Variants in AKR1C8 observed in about 807,000 individuals in gnomAD.
AKR1C8 encodes aldo-keto reductase family 1 member C-like protein 1.
At chr10:5,152,994 G>A in the AKR1C8 span, among the ~76,000 whole-genome samples, 2 of 151,916 alleles carry the variant, frequency 1.3e-5, no homozygotes, top group Non-Finnish European at 2.9e-5. Flanking sequence ...TGGAATGGAG[G>A]GCAATCAGTG....
the AKR1C8 span, among the ~76,000 whole-genome samples, chr10:5,149,039 G>A: frequency 6.6e-6 from 1 of 152,038 alleles, no homozygotes; most frequent in East Asian, 1.9e-4. Flanking sequence ...AAACTCTACA[G>A]TCAGTAAGCA....
the AKR1C8 span, among the ~76,000 whole-genome samples, chr10:5,167,090 T>C: frequency 6.6e-6 from 1 of 152,100 alleles, no homozygotes; most frequent in African/African-American, 2.4e-5. Context: ...TGAGATACCA[T>C]CTCACACCAG....
At chr10:5,159,493 C>T in the AKR1C8 span, among the ~76,000 whole-genome samples, 3 of 152,104 alleles carry the variant, frequency 2.0e-5, no homozygotes, top group Non-Finnish European at 4.4e-5. Flanking sequence ...TCTGCCTCAC[C>T]CTCTCCTGTG....
the AKR1C8 span, among the ~76,000 whole-genome samples, chr10:5,184,323 C>T: frequency 3.9e-5 from 6 of 152,196 alleles, no homozygotes; most frequent in South Asian, 2.1e-4. Context: ...CCCTTTGTGT[C>T]CACAGTCCTT....
chr10:5,160,124 A>AC, the AKR1C8 span: 1 of 268,528 alleles, frequency 3.7e-6, no homozygotes, highest in Non-Finnish European at 8.1e-6. Flanking sequence ...ACTGAATTAA[A>AC]CAGTTTTATC....
At chr10:5,118,861 AC>A in the AKR1C8 span, among the ~76,000 whole-genome samples, 1 of 152,084 alleles carries the variant, frequency 6.6e-6, no homozygotes, top group Non-Finnish European at 1.5e-5. Flanking sequence ...CTATTACTGG[AC>A]AGTAAACATG....
At chr10:5,168,764 A>G in the AKR1C8 span, among the ~76,000 whole-genome samples, 3 of 152,138 alleles carry the variant, frequency 2.0e-5, no homozygotes, top group Non-Finnish European at 4.4e-5. Flanking sequence ...TAAGATCCCC[A>G]TTCCCAATAA....
At chr10:5,140,001 C>T in the AKR1C8 span, among the ~76,000 whole-genome samples, 3 of 152,144 alleles carry the variant, frequency 2.0e-5, no homozygotes, top group Admixed American at 6.5e-5. Flanking sequence ...TGAATAGACA[C>T]TTCTCAAAAG....
chr10:5,141,521 T>C, the AKR1C8 span, among the ~76,000 whole-genome samples: 7 of 152,300 alleles, frequency 4.6e-5, no homozygotes, highest in African/African-American at 1.4e-4. Context: ...GAAGAATCAT[T>C]ATCTACAGCA....
the AKR1C8 span, among the ~76,000 whole-genome samples, chr10:5,176,095 G>A: frequency 6.6e-5 from 10 of 151,882 alleles, no homozygotes; most frequent in East Asian, 1.5e-3. Flanking sequence ...TTCTTCTAGG[G>A]TTTTTATGGT....
At chr10:5,168,992 C>A in the AKR1C8 span, among the ~76,000 whole-genome samples, 1 of 152,078 alleles carries the variant, frequency 6.6e-6, no homozygotes, top group Non-Finnish European at 1.5e-5. Flanking sequence ...TGAAACCCAC[C>A]TCCCTATCTC....
the AKR1C8 span, among the ~76,000 whole-genome samples, chr10:5,169,794 T>TTTTTAC: frequency 5.3e-5 from 8 of 152,002 alleles, no homozygotes; most frequent in Admixed American, 3.9e-4. Flanking sequence ...TTGTAATATT[T>TTTTTAC]AGCTTAAAAG....
At chr10:5,172,375 A>G in the AKR1C8 span, among the ~76,000 whole-genome samples, 4 of 152,176 alleles carry the variant, frequency 2.6e-5, no homozygotes, top group South Asian at 6.2e-4. Flanking sequence ...AATATAAGTT[A>G]TCTTTTTTAA....
At chr10:5,132,819 T>C in the AKR1C8 span, 5 of 798,626 alleles carry the variant, frequency 6.3e-6, no homozygotes, top group Non-Finnish European at 9.7e-6. Context: ...GCTCAACAGG[T>C]AGTTCAGGCA....
the AKR1C8 span, among the ~76,000 whole-genome samples, chr10:5,134,953 T>C: frequency 0.013 from 1,965 of 152,304 alleles, 26 homozygotes; most frequent in Non-Finnish European, 0.02. Context: ...CACGACCATA[T>C]GACCAGACCC....
the AKR1C8 span, chr10:5,157,576 A>G: frequency 4.6e-6 from 2 of 430,314 alleles, no homozygotes; most frequent in Admixed American, 5.2e-5. Context: ...CCCATGTAAG[A>G]GAGATCGCCC....
At chr10:5,132,194 T>C in the AKR1C8 span, among the ~76,000 whole-genome samples, 1 of 151,596 alleles carries the variant, frequency 6.6e-6, no homozygotes, top group Non-Finnish European at 1.5e-5. Flanking sequence ...AGGTTGGGAG[T>C]AAGGTGAGGG....
chr10:5,156,238 C>T, the AKR1C8 span, among the ~76,000 whole-genome samples: 1 of 152,092 alleles, frequency 6.6e-6, no homozygotes, highest in Non-Finnish European at 1.5e-5. Flanking sequence ...ATTTTCTGGA[C>T]AACTGTTCTA....
chr10:5,145,226 C>T, the AKR1C8 span, among the ~76,000 whole-genome samples: 4 of 152,098 alleles, frequency 2.6e-5, no homozygotes, highest in East Asian at 3.9e-4. Context: ...AACGTTAGAC[C>T]TAAAACCATA....
Sources: allele counts gnomAD v4.1 joint callset (sites outside exome capture counted in the v4.1 genomes callset), GRCh38; gene constraint gnomAD v4.1.1; transcripts MANE v1.5; gene names NCBI Gene and HGNC (gene_info 2026-07-23, HGNC 2026-07-21).